Variants in UGGT2 observed in about 807,000 individuals in gnomAD.
UGGT2 encodes the protein UDP-glucose glycoprotein glucosyltransferase 2.
A neutral mutation model predicts 192.1 loss-of-function variants in UGGT2; 180 were observed. The observed-to-expected ratio is 0.94, with a 90% CI of 0.83 to 1.06. The LOEUF (loss-of-function observed/expected upper bound fraction) is 1.06. UGGT2 is among the 50% of genes least tolerant of loss of function. The pLI is 0.00. For synonymous variants in UGGT2, 580 were observed against 591.0 expected (o/e 0.98, Z 0.27); for missense variants, 1,849 against 1,795.7 (o/e 1.03, Z -0.54).
chr13:96,032,597 A>G (rs1207259917), intron 1 of UGGT2, among the ~76,000 whole-genome samples: 4 of 152,238 alleles, frequency 2.6e-5, no homozygotes, highest in Non-Finnish European at 2.9e-5. Context: ...GAAATAAATG[A>G]AAGATTTAGT....
At chr13:95,824,040 T>C (rs1021083057) in intron 38 of UGGT2, among the ~76,000 whole-genome samples, 3 of 152,114 alleles carry the variant, frequency 2.0e-5, no homozygotes, top group African/African-American at 7.2e-5. Flanking sequence ...GTTTTAGTTT[T>C]ACTGGATTTA....
chr13:95,867,436 A>C lies in UGGT2; in HGVS notation c.3474-13T>G. 1 of 1,586,712 alleles carries C rather than the reference A, an allele frequency of 6.3e-7. No individual in the cohort carries two copies. The highest frequency in any genetic ancestry group is 1.2e-5 in the South Asian group (1 of 86,596). On this transcript the variant is annotated splice_polypyrimidine_tract_variant and intron_variant, in intron 29 of 38. Coordinates refer to ENST00000376747, the MANE Select transcript of UGGT2 (RefSeq NM_020121.4). ...AGTTCCTTCATGCCTAAAAGTAGAA[A>C]AATGTGTCCATAATTAATTTAAGAA...
chr13:95,934,855 G>A (rs1309590621), intron 17 of UGGT2, among the ~76,000 whole-genome samples: 1 of 152,134 alleles, frequency 6.6e-6, no homozygotes, highest in African/African-American at 2.4e-5. Context: ...CAATAACAGT[G>A]GGTGAGTTGA....
At chr13:95,821,789 G>A (rs1885544244) in intron 38 of UGGT2, among the ~76,000 whole-genome samples, 1 of 152,116 alleles carries the variant, frequency 6.6e-6, no homozygotes, top group Non-Finnish European at 1.5e-5. Flanking sequence ...TGGCTTGCAA[G>A]TTTTCCCAGC....
chr13:95,887,381 ATT>A, intron 26 of UGGT2: 1 of 476,700 alleles, frequency 2.1e-6, no homozygotes, highest in Non-Finnish European at 4.2e-6. Context: ...GAAAGGGTAT[ATT>A]TTTGTCCCCT....
intron 15 of UGGT2, among the ~76,000 whole-genome samples, chr13:95,942,995 CCA>C (rs1247766274): frequency 6.6e-6 from 1 of 152,116 alleles, no homozygotes; most frequent in Non-Finnish European, 1.5e-5. Context: ...CACTGTTGAA[CCA>C]CAGTTGTTGT....
intron 10 of UGGT2, chr13:95,983,513 A>T: frequency 2.1e-6 from 1 of 480,406 alleles, no homozygotes; most frequent in Admixed American, 2.5e-5. Context: ...ACTAATTACA[A>T]GAAACAGAAT....
At chr13:95,856,126 G>C in intron 34 of UGGT2, 32 bp downstream of exon 34, 2 of 1,535,816 alleles carry the variant, frequency 1.3e-6, no homozygotes, top group Non-Finnish European at 8.8e-7. Context: ...AAATGTTTGC[G>C]TATTACTAAA....
chr13:95,818,004 A>G (rs182291613), intron 38 of UGGT2, among the ~76,000 whole-genome samples: 1 of 152,338 alleles, frequency 6.6e-6, no homozygotes, highest in Admixed American at 6.5e-5. Flanking sequence ...AACCTGGGAG[A>G]AAAATGCATA....
At chr13:95,877,479 C>A in intron 28 of UGGT2, 115 bp from the exon 29 acceptor site, 2 of 985,678 alleles carry the variant, frequency 2.0e-6, no homozygotes, top group Non-Finnish European at 2.9e-6. Flanking sequence ...TGAATAAATT[C>A]TATAAATCAA....
chr13:95,957,754 T>TAG (rs1363779834), intron 12 of UGGT2, among the ~76,000 whole-genome samples: 1 of 152,238 alleles, frequency 6.6e-6, no homozygotes, highest in Non-Finnish European at 1.5e-5. Flanking sequence ...TTACTATGTC[T>TAG]AGAAGAGCCT....
At chr13:95,940,832 A>G (rs1392158367) in intron 15 of UGGT2, among the ~76,000 whole-genome samples, 1 of 152,114 alleles carries the variant, frequency 6.6e-6, no homozygotes, top group African/African-American at 2.4e-5. Flanking sequence ...GGCTCAAGCA[A>G]TCTACCTGCC....
At position 95,890,983 on chromosome 13, in the gene UGGT2, A is replaced by C. The variant is rs756791957; in HGVS notation, c.2856-19T>G. 6.5e-7 allele frequency: 1 copy of C among 1,532,834 alleles called. No homozygotes were observed. Among genetic ancestry groups the C allele is most frequent in the Non-Finnish European group, 9.0e-7 (1 of 1,112,992 alleles). The allele number at this position is 1,532,834 out of a possible 1,614,324, so 95.0% of individuals were successfully genotyped here. The stretch of plus-strand genomic sequence containing the variant: ...TATAACACTAAGAAAATAGAAAATA[A>C]GATGAAAGATGACGTGTTAAGTTTA... On this transcript the variant is annotated intron_variant, in intron 24 of 38. Transcript: ENST00000376747.
intron 22 of UGGT2, among the ~76,000 whole-genome samples, chr13:95,900,561 C>T (rs1265814114): frequency 6.6e-6 from 1 of 152,078 alleles, no homozygotes; most frequent in South Asian, 2.1e-4. Flanking sequence ...AAAATAAAAG[C>T]AAGACACATA....
intron 1 of UGGT2, among the ~76,000 whole-genome samples, chr13:96,050,432 T>C (rs906844617): frequency 1.3e-4 from 20 of 152,210 alleles, no homozygotes; most frequent in Non-Finnish European, 2.6e-4. Context: ...AAGGACTTCA[T>C]GTCTAAAACA....
intron 5 of UGGT2, among the ~76,000 whole-genome samples, chr13:96,005,917 C>G (rs936465748): frequency 2.0e-5 from 3 of 152,094 alleles, no homozygotes; most frequent in Non-Finnish European, 2.9e-5. Flanking sequence ...AACGTGAAAC[C>G]CAACCCAACT....
intron 21 of UGGT2, among the ~76,000 whole-genome samples, chr13:95,901,480 C>T (rs930470426): frequency 6.6e-6 from 1 of 152,084 alleles, no homozygotes; most frequent in African/African-American, 2.4e-5. Flanking sequence ...CACCTTCATA[C>T]TAAGGTACAT....
At chr13:95,967,029 T>G (rs1338293592) in intron 12 of UGGT2, among the ~76,000 whole-genome samples, 2 of 152,248 alleles carry the variant, frequency 1.3e-5, no homozygotes, top group African/African-American at 4.8e-5. Flanking sequence ...TTTCAAAATA[T>G]GTAGTGATAA....
chr13:95,893,739 G>C (rs1434739724), intron 24 of UGGT2, among the ~76,000 whole-genome samples: 2 of 146,268 alleles, frequency 1.4e-5, no homozygotes, highest in African/African-American at 2.5e-5. Context: ...TGAGCTCAGG[G>C]AATCTTCAGT....
Sources: allele counts gnomAD v4.1 joint callset (sites outside exome capture counted in the v4.1 genomes callset), GRCh38; gene constraint gnomAD v4.1.1; transcripts MANE v1.5; gene names NCBI Gene and HGNC (gene_info 2026-07-23, HGNC 2026-07-21).